The following RAP1A variants were observed in gnomAD, a reference collection of about 807,000 sequenced individuals.
The protein encoded by RAP1A is ras-related protein Rap-1A.
RAP1A carries 6 observed loss-of-function variants against 26.4 expected under a neutral mutation model. The ratio of observed to expected loss-of-function variants is 0.23; its 90% confidence interval spans 0.12 to 0.45. The LOEUF is 0.45. Ranked by LOEUF, RAP1A falls within the 20% of genes least tolerant of loss-of-function variation. The pLI is 0.99. For missense variants in RAP1A, 121 were observed against 217.2 expected (o/e 0.56, Z 2.78); for synonymous variants, 73 against 79.4 (o/e 0.92, Z 0.43).
intron 1 of RAP1A, among the ~76,000 whole-genome samples, chr1:111,572,412 A>G (rs1658067844): frequency 6.6e-6 from 1 of 152,252 alleles, no homozygotes; most frequent in Admixed American, 6.5e-5. Context: ...AAGTATCTCA[A>G]GAGATCATCT....
chr1:111,653,362 AT>A (rs1445569039), intron 1 of RAP1A, among the ~76,000 whole-genome samples: 1 of 152,150 alleles, frequency 6.6e-6, no homozygotes, highest in South Asian at 2.1e-4. Flanking sequence ...TGTGAATATA[AT>A]TTTTAAATCC....
At chr1:111,617,860 G>T (rs1330000800), upstream of RAP1A, among the ~76,000 whole-genome samples, 1 of 151,576 alleles carries the variant, frequency 6.6e-6, no homozygotes, top group African/African-American at 2.4e-5. Flanking sequence ...CCTGGCCAAC[G>T]TGGAGAAACC....
At chr1:111,611,133 A>AC (rs1396809745) in intron 1 of RAP1A, among the ~76,000 whole-genome samples, 2 of 152,208 alleles carry the variant, frequency 1.3e-5, no homozygotes, top group African/African-American at 4.8e-5. Flanking sequence ...CAACAAATCC[A>AC]CTGTAACAAA....
intron 1 of RAP1A, among the ~76,000 whole-genome samples, chr1:111,561,813 T>C (rs1436877292): frequency 1.3e-5 from 2 of 152,074 alleles, no homozygotes; most frequent in African/African-American, 2.4e-5. Context: ...CAGAAGTATG[T>C]CTGAATTTAA....
At chr1:111,670,275 C>T (rs1449272376) in intron 1 of RAP1A, among the ~76,000 whole-genome samples, 2 of 152,026 alleles carry the variant, frequency 1.3e-5, no homozygotes, top group East Asian at 3.9e-4. Context: ...AGTTCGAGAC[C>T]AGCCTGGGCA....
intron 4 of RAP1A, among the ~76,000 whole-genome samples, chr1:111,699,662 G>T (rs943472892): frequency 2.3e-4 from 35 of 150,772 alleles, no homozygotes; most frequent in Admixed American, 2.0e-4. Context: ...TAGAGACAGG[G>T]TCTCACTATA....
intron 1 of RAP1A, among the ~76,000 whole-genome samples, chr1:111,662,571 A>T (rs1301448910): frequency 6.6e-6 from 1 of 152,062 alleles, no homozygotes. Context: ...AACTCATAAC[A>T]CTCTGGCCAT....
chr1:111,616,682 T>C (rs71673426), upstream of RAP1A, among the ~76,000 whole-genome samples: 10,400 of 152,196 alleles, frequency 0.068, 416 homozygotes, highest in African/African-American at 0.12. Flanking sequence ...ACCCCTCTCA[T>C]AGGCTTTCCC....
At chr1:111,555,506 A>C (rs1162466433) in intron 1 of RAP1A, among the ~76,000 whole-genome samples, 1 of 152,072 alleles carries the variant, frequency 6.6e-6, no homozygotes, top group East Asian at 1.9e-4. Flanking sequence ...CAGAAGAATT[A>C]GTAAATTGAA....
rs187948426 is a variant in RAP1A at position 111,678,290 on chromosome 1, A to G, written c.-27-13044A>G. On this transcript the variant is annotated intron_variant, in intron 1 of 7. Transcript: ENST00000369709. ...CTCTATTAAGTCTTTAATTTCAGCC[A>G]TGTTTTGTAGTTTTGGTATATAAGT... Among the ~76,000 whole-genome samples, 4 of 152,316 alleles carry G rather than the reference A, an allele frequency of 2.6e-5. No individual in the cohort carries two copies. In the East Asian group the frequency reaches 7.7e-4, roughly 29 times the overall value.
intron 1 of RAP1A, among the ~76,000 whole-genome samples, chr1:111,656,165 A>T (rs1475573285): frequency 6.6e-6 from 1 of 152,096 alleles, no homozygotes; most frequent in South Asian, 2.1e-4. Flanking sequence ...ATTTATTGCA[A>T]TATCTGTTAA....
chr1:111,695,058 T>C (rs1661783620), intron 2 of RAP1A, among the ~76,000 whole-genome samples: 1 of 152,184 alleles, frequency 6.6e-6, no homozygotes, highest in African/African-American at 2.4e-5. Flanking sequence ...TTTAATTAGT[T>C]CAGATATGTT....
intron 1 of RAP1A, among the ~76,000 whole-genome samples, chr1:111,579,286 G>C (rs1260913968): frequency 6.6e-6 from 1 of 152,128 alleles, no homozygotes; most frequent in Non-Finnish European, 1.5e-5. Context: ...CACCTTATTA[G>C]TATAAATGCT....
intron 1 of RAP1A, among the ~76,000 whole-genome samples, chr1:111,588,534 T>C (rs1332858515): frequency 6.6e-6 from 1 of 152,186 alleles, no homozygotes; most frequent in Non-Finnish European, 1.5e-5. Context: ...CTTTAGCCTC[T>C]TATTCCATCA....
chr1:111,610,337 G>A (rs979973614), intron 1 of RAP1A, among the ~76,000 whole-genome samples: 9 of 152,072 alleles, frequency 5.9e-5, no homozygotes, highest in Non-Finnish European at 2.9e-5. Flanking sequence ...TCTGAATCTG[G>A]TTTGAATTTG....
intron 1 of RAP1A, among the ~76,000 whole-genome samples, chr1:111,621,028 G>A (rs920482309): frequency 3.5e-4 from 53 of 152,318 alleles, no homozygotes; most frequent in African/African-American, 1.2e-3. Flanking sequence ...TTTGAAGGGA[G>A]GAGGTATAAG....
chr1:111,652,183 A>G (rs1022368787), intron 1 of RAP1A, among the ~76,000 whole-genome samples: 1 of 152,040 alleles, frequency 6.6e-6, no homozygotes, highest in Non-Finnish European at 1.5e-5. Flanking sequence ...CATATTGGCC[A>G]GTCTCGTCTC....
chr1:111,553,783 T>A lies in RAP1A; in HGVS notation c.-28+11274T>A, dbSNP rs147178250. Among the ~76,000 whole-genome samples, 519 of 152,322 alleles carry A rather than the reference T, an allele frequency of 3.4e-3. 1 individual carries two copies. Among genetic ancestry groups the A allele is most frequent in the African/African-American group, 0.012 (497 of 41,584 alleles). On this transcript the variant is annotated intron_variant, in intron 1 of 7. Transcript: ENST00000356415. ...TTGTTGGAATTCCTTTCCTTTCCCC[T>A]TTTTTCCTATTTAGTCAACTCAAAT...
At chr1:111,561,632 A>C (rs537740391) in intron 1 of RAP1A, among the ~76,000 whole-genome samples, 1 of 152,294 alleles carries the variant, frequency 6.6e-6, no homozygotes, top group African/African-American at 2.4e-5. Flanking sequence ...ATTCAATCAT[A>C]GGCCATTACT....
Sources: gnomAD v4.1 joint callset for allele counts (sites outside exome capture counted in the v4.1 genomes callset) on GRCh38, gnomAD v4.1.1 for gene constraint, MANE v1.5 for transcripts, NCBI Gene and HGNC (gene_info 2026-07-23, HGNC 2026-07-21) for gene names.